The following SRGAP3 variants were observed in gnomAD, a reference collection of about 807,000 sequenced individuals.
The protein encoded by SRGAP3 is SLIT-ROBO Rho GTPase-activating protein 3.
A neutral mutation model predicts 121.1 loss-of-function variants in SRGAP3; 39 were observed. That is an observed-to-expected ratio of 0.32 (90% CI 0.25 to 0.42). SRGAP3 has a LOEUF of 0.42. Ranked by LOEUF, SRGAP3 falls within the 10% of genes least tolerant of loss-of-function variation. The probability of loss-of-function intolerance (pLI) is 1.00; values close to 1 mark genes in which losing one functional copy is unlikely to be tolerated. For synonymous variants in SRGAP3, 601 were observed against 570.0 expected, an observed-to-expected ratio of 1.05 and a Z score of -0.77; for missense variants, 1,213 against 1,470.6, an observed-to-expected ratio of 0.82 and a Z score of 2.86.
intron 1 of SRGAP3, among the ~76,000 whole-genome samples, chr3:9,204,140 G>A (rs1480832578): frequency 6.6e-6 from 1 of 152,208 alleles, no homozygotes. Flanking sequence ...CAAACACCGG[G>A]AACCCATCTT....
At chr3:9,039,615 T>A (rs995766530) in intron 10 of SRGAP3, among the ~76,000 whole-genome samples, 1 of 152,128 alleles carries the variant, frequency 6.6e-6, no homozygotes, top group African/African-American at 2.4e-5. Context: ...CAGAAAAAGA[T>A]CTTTCATGCC....
At position 9,124,956 on chromosome 3, in the gene SRGAP3, G is replaced by T. The variant is rs1357313728; in HGVS notation, c.68-39C>A. The T allele has an allele frequency of 5.6e-6, 9 of 1,611,836 alleles. No individual in the cohort carries two copies. The East Asian group carries it at 1.8e-4, about 32-fold the overall frequency. ...AGGGTAGGAGCATGAGACTGGTGGT[G>T]GGGACGGGGGCACTGGGGCCCGCTC... On this transcript the variant is annotated intron_variant, in intron 1 of 21. Coordinates refer to ENST00000383836, the MANE Select transcript of SRGAP3 (RefSeq NM_014850.4).
intron 2 of SRGAP3, among the ~76,000 whole-genome samples, chr3:9,107,799 C>T (rs566823399): frequency 1.3e-5 from 2 of 152,352 alleles, no homozygotes; most frequent in South Asian, 4.1e-4. Context: ...CTCCCCCTCA[C>T]CCTACTGTGA....
intron 3 of SRGAP3, among the ~76,000 whole-genome samples, chr3:9,270,807 AT>A (rs879368522): frequency 3.0e-4 from 45 of 148,238 alleles, no homozygotes; most frequent in African/African-American, 5.2e-4. Flanking sequence ...TAAGCAAGAG[AT>A]TTTTTTTTTT....
intron 1 of SRGAP3, among the ~76,000 whole-genome samples, chr3:9,170,448 C>A (rs1326674241): frequency 1.3e-5 from 2 of 152,062 alleles, no homozygotes; most frequent in Non-Finnish European, 2.9e-5. Context: ...AAGAAACTCT[C>A]CAGCAGCAAA....
intron 2 of SRGAP3, among the ~76,000 whole-genome samples, chr3:9,116,426 T>C (rs907220896): frequency 1.3e-5 from 2 of 152,222 alleles, no homozygotes; most frequent in Admixed American, 6.5e-5. Flanking sequence ...AAATGGTCCC[T>C]TGCCTTCAGG....
intron 14 of SRGAP3, among the ~76,000 whole-genome samples, chr3:9,023,160 C>T (rs940676993): frequency 6.6e-6 from 1 of 152,108 alleles, no homozygotes; most frequent in African/African-American, 2.4e-5. Context: ...AGTGAGTTTG[C>T]CCACGAGATT....
intron 11 of SRGAP3, chr3:9,034,985 G>A (rs1329838361): frequency 6.6e-6 from 1 of 152,122 alleles, no homozygotes; most frequent in Non-Finnish European, 1.5e-5. Context: ...GTGAGGCTGG[G>A]AAAGAATATT....
intron 4 of SRGAP3, among the ~76,000 whole-genome samples, chr3:9,072,823 G>A (rs1275355201): frequency 6.6e-6 from 1 of 152,224 alleles, no homozygotes; most frequent in African/African-American, 2.4e-5. Flanking sequence ...AGCAACCGAG[G>A]TGACATAGGG....
At chr3:8,990,114 G>A (rs73810784) in intron 21 of SRGAP3, among the ~76,000 whole-genome samples, 1,835 of 152,294 alleles carry the variant, frequency 0.012, 30 homozygotes, top group African/African-American at 0.041. Context: ...CATGGTGACG[G>A]CCACATGATA....
At chr3:9,290,318 C>A (rs1954850314) in intron 3 of SRGAP3, among the ~76,000 whole-genome samples, 2 of 152,130 alleles carry the variant, frequency 1.3e-5, no homozygotes, top group South Asian at 4.1e-4. Flanking sequence ...ATCTTTTCTG[C>A]CATACTGCAA....
At chr3:9,026,156 G>A (rs1285166888) in intron 13 of SRGAP3, among the ~76,000 whole-genome samples, 2 of 152,008 alleles carry the variant, frequency 1.3e-5, no homozygotes, top group Admixed American at 6.6e-5. Context: ...GCTTCTACTC[G>A]GTATTACTTA....
chr3:9,321,265 C>A (rs1161354424), intron 3 of SRGAP3, among the ~76,000 whole-genome samples: 1 of 151,834 alleles, frequency 6.6e-6, no homozygotes, highest in Non-Finnish European at 1.5e-5. Context: ...TGAACATGAC[C>A]CCAGGCATGG....
chr3:8,985,474 G>C lies in SRGAP3; in HGVS notation c.*45C>G. The C allele has an allele frequency of 6.3e-7, 1 of 1,595,172 alleles. No individual in the cohort carries two copies. The highest frequency in any genetic ancestry group is 8.5e-7 in the Non-Finnish European group (1 of 1,177,988). On this transcript the variant is annotated 3_prime_UTR_variant, in exon 22 of 22. Coordinates refer to ENST00000383836, the MANE Select transcript of SRGAP3 (RefSeq NM_014850.4). This position sits in a 1 kb window ranked among gnomAD's most constrained non-coding sequence, Gnocchi z 5.1. Reference sequence around the variant, plus strand: ...GAAGCCACCAAGGCCACCCTGGGCCGTGGTGAGCCACAGCGGGCCACGGCG... The same window carrying C: ...GAAGCCACCAAGGCCACCCTGGGCCCTGGTGAGCCACAGCGGGCCACGGCG...
At chr3:9,245,281 A>C (rs1272021678) in intron 1 of SRGAP3, among the ~76,000 whole-genome samples, 1 of 152,168 alleles carries the variant, frequency 6.6e-6, no homozygotes, top group Admixed American at 6.5e-5. Flanking sequence ...AGTCCGTCAC[A>C]ATCACCACCA....
chr3:9,020,571 T>C (rs1400394024), intron 14 of SRGAP3, among the ~76,000 whole-genome samples: 1 of 152,230 alleles, frequency 6.6e-6, no homozygotes, highest in Non-Finnish European at 1.5e-5. Flanking sequence ...TTCCCGTTGT[T>C]AAGCATGATT....
intron 1 of SRGAP3, among the ~76,000 whole-genome samples, chr3:9,167,964 T>G (rs749071303): frequency 2.0e-5 from 3 of 152,214 alleles, no homozygotes; most frequent in Non-Finnish European, 4.4e-5. Context: ...CTATAGCATT[T>G]GTACAGCCAT....
intron 3 of SRGAP3, among the ~76,000 whole-genome samples, chr3:9,280,348 T>G (rs1217041816): frequency 1.3e-5 from 2 of 152,256 alleles, no homozygotes; most frequent in Non-Finnish European, 2.9e-5. Context: ...GTTTGCTCCC[T>G]TTCTGCTACT....
intron 14 of SRGAP3, among the ~76,000 whole-genome samples, chr3:9,018,087 G>C (rs1439941580): frequency 2.0e-5 from 3 of 152,140 alleles, no homozygotes; most frequent in South Asian, 2.1e-4. Flanking sequence ...TCCCACACAG[G>C]AGTGAGAACA....
Sources: gnomAD v4.1 joint callset for allele counts (sites outside exome capture counted in the v4.1 genomes callset) on GRCh38, gnomAD v4.1.1 for gene constraint, Gnocchi (gnomAD v3.1) non-coding constraint, MANE v1.5 for transcripts, NCBI Gene and HGNC (gene_info 2026-07-23, HGNC 2026-07-21) for gene names.